The following EHF variants were observed in gnomAD, a reference collection of about 807,000 sequenced individuals.
EHF encodes ESE3 transcription factor.
A neutral mutation model predicts 45.1 loss-of-function variants in EHF; 14 were observed. That is an observed-to-expected ratio of 0.31 (90% CI 0.21 to 0.49). EHF has a LOEUF of 0.49. EHF is among the 20% of genes least tolerant of loss of function. The pLI is 0.99. For missense variants in EHF, 282 were observed against 371.4 expected, an observed-to-expected ratio of 0.76 and a Z score of 1.98; for synonymous variants, 136 against 131.8, an observed-to-expected ratio of 1.03 and a Z score of -0.22.
intron 3 of EHF, among the ~76,000 whole-genome samples, chr11:34,648,518 A>G (rs1168319183): frequency 6.6e-6 from 1 of 152,182 alleles, no homozygotes; most frequent in Non-Finnish European, 1.5e-5. Flanking sequence ...ATTGGATGTA[A>G]TCATGATGGC....
intron 2 of EHF, among the ~76,000 whole-genome samples, chr11:34,643,916 A>T (rs558256933): frequency 6.6e-6 from 1 of 152,166 alleles, no homozygotes; most frequent in African/African-American, 2.4e-5. Context: ...TGCCACTTTT[A>T]TTTCTTAAAT....
At chr11:34,629,343 G>C (rs767697926) in intron 1 of EHF, among the ~76,000 whole-genome samples, 2 of 152,158 alleles carry the variant, frequency 1.3e-5, no homozygotes, top group Non-Finnish European at 2.9e-5. Flanking sequence ...GTAAACCAGT[G>C]AGCCAGGAGA....
chr11:34,651,108 C>T (rs1312729874), intron 4 of EHF, among the ~76,000 whole-genome samples: 2 of 151,250 alleles, frequency 1.3e-5, no homozygotes, highest in East Asian at 3.9e-4. Flanking sequence ...ATTAACCCCC[C>T]AAGGCCTCAT....
chr11:34,639,278 G>A (rs925576181), intron 1 of EHF, among the ~76,000 whole-genome samples: 1 of 152,106 alleles, frequency 6.6e-6, no homozygotes, highest in African/African-American at 2.4e-5. Context: ...AAGCAAAGTA[G>A]GGAGCTGAAA....
In EHF at chr11:34,662,178, C is replaced by CAATG. The variant is rs1856124803; in HGVS notation, c.*3260_*3263dup. 1.3e-5 allele frequency among the ~76,000 whole-genome samples: 2 copies of CAATG among 152,058 alleles called. No individual in the cohort carries two copies. Among genetic ancestry groups the CAATG allele is most frequent in the African/African-American group, 4.8e-5 (2 of 41,406 alleles). On this transcript the variant is annotated 3_prime_UTR_variant, in exon 9 of 9. Coordinates refer to ENST00000257831, the MANE Select transcript of EHF (RefSeq NM_012153.6). ...GACAAGTACACAACACATATTTGTT[C>CAATG]AATGAATGAATGAATGTCTTCTAAA...
chr11:34,656,681 A>AT (rs1387165765), intron 6 of EHF, among the ~76,000 whole-genome samples: 1 of 152,126 alleles, frequency 6.6e-6, no homozygotes, highest in Non-Finnish European at 1.5e-5. Context: ...CTTGTATCAA[A>AT]TTGCAAATTA....
intron 1 of EHF, among the ~76,000 whole-genome samples, chr11:34,625,046 G>T (rs1282147493): frequency 6.6e-6 from 1 of 152,094 alleles, no homozygotes; most frequent in Non-Finnish European, 1.5e-5. Context: ...AGTACCTGGG[G>T]GTCAGCAGGA....
Position 34,659,290 on chromosome 11 carries a change from TA to T in EHF, c.*362del. On this transcript the variant is annotated 3_prime_UTR_variant, in exon 9 of 9. Coordinates refer to ENST00000257831, the MANE Select transcript of EHF (RefSeq NM_012153.6). ...AAAGAAAAACAAAATCAGAGGGCAT[TA>T]AATGTTTTGTATGTGACATGATTTA... is the stretch of plus-strand genomic sequence containing the variant. The T allele has an allele frequency of 5.5e-6, 1 of 181,928 alleles. No individual in the cohort carries two copies. Among genetic ancestry groups the T allele is most frequent in the Non-Finnish European group, 1.1e-5 (1 of 87,778 alleles). The allele number at this position is 181,928 out of a possible 1,614,324, so 11.3% of individuals were successfully genotyped here. A position where few individuals can be genotyped will look rare whatever the true frequency, so the allele number is the denominator to read the frequency against.
In EHF at chr11:34,662,738, A is replaced by C. The variant is rs1206004320; in HGVS notation, c.*3807A>C. Among the ~76,000 whole-genome samples the C allele has an allele frequency of 6.6e-6, 1 of 152,140 alleles. No homozygotes were observed. Among genetic ancestry groups the C allele is most frequent in the Non-Finnish European group, 1.5e-5 (1 of 68,008 alleles). ...GCAATTATATTATTCTTCTGTAGTT[A>C]AGCAAACACTTGTTGAGTGCCTGCT... On this transcript the variant is annotated 3_prime_UTR_variant, in exon 9 of 9. Coordinates refer to ENST00000257831, the MANE Select transcript of EHF (RefSeq NM_012153.6).
intron 2 of EHF, 23 bp downstream of exon 2, chr11:34,642,750 G>T (rs1327752077): frequency 1.9e-6 from 3 of 1,552,050 alleles, no homozygotes; most frequent in Admixed American, 1.7e-5. Context: ...GTGGGTGTTG[G>T]TGTCACTGCT....
At chr11:34,649,414 G>A (rs1453808761) in intron 4 of EHF, among the ~76,000 whole-genome samples, 1 of 152,176 alleles carries the variant, frequency 6.6e-6, no homozygotes, top group Non-Finnish European at 1.5e-5. Context: ...TGTCAGGGGA[G>A]TGGCCAAGTT....
chr11:34,636,898 G>T (rs1022253262), intron 1 of EHF, among the ~76,000 whole-genome samples: 1 of 152,064 alleles, frequency 6.6e-6, no homozygotes, highest in African/African-American at 2.4e-5. Context: ...GCGTGGTGGT[G>T]CATGCCTATA....
At chr11:34,621,578 T>A (rs1312274331) in intron 1 of EHF, among the ~76,000 whole-genome samples, 1 of 152,220 alleles carries the variant, frequency 6.6e-6, no homozygotes, top group Non-Finnish European at 1.5e-5. Context: ...GTGGCTCTGA[T>A]ATAGCTCAGA....
chr11:34,630,963 G>A (rs1387502158), intron 1 of EHF, among the ~76,000 whole-genome samples: 1 of 152,192 alleles, frequency 6.6e-6, no homozygotes, highest in Non-Finnish European at 1.5e-5. Flanking sequence ...TTTGTCTGGG[G>A]AAATGTTGCA....
At chr11:34,646,402 C>A in intron 2 of EHF, 37 bp from the exon 3 acceptor site, 1 of 1,611,108 alleles carries the variant, frequency 6.2e-7, no homozygotes, top group Non-Finnish European at 8.5e-7. Flanking sequence ...CCAGGAACAG[C>A]CAGGGGTCAC....
At chr11:34,643,183 A>C (rs1854192118) in intron 2 of EHF, among the ~76,000 whole-genome samples, 1 of 151,794 alleles carries the variant, frequency 6.6e-6, no homozygotes, top group East Asian at 1.9e-4. Flanking sequence ...TCTCTTTGCA[A>C]GGGGAGAGGA....
intron 1 of EHF, among the ~76,000 whole-genome samples, chr11:34,622,724 GACA>G (rs1264910552): frequency 6.6e-6 from 1 of 152,148 alleles, no homozygotes; most frequent in Non-Finnish European, 1.5e-5. Context: ...GAGTCATGTA[GACA>G]ACACCATTTT....
In EHF at chr11:34,634,118, ACAATT is replaced by A. The variant is rs140278574; in HGVS notation, c.-3-8502_-3-8498del. ...CAAATACATTCCCCAAGCTTGATTCACAATTCAATTCATTTGTAAAAACACAAATG... is the reference window on the plus strand; with the variant it reads ...CAAATACATTCCCCAAGCTTGATTCACAATTCATTTGTAAAAACACAAATG... On this transcript the variant is annotated intron_variant, in intron 1 of 8. Transcript: ENST00000257831. Among the ~76,000 whole-genome samples the A allele has an allele frequency of 3.3e-3, 502 of 152,374 alleles. 2 individuals are homozygous for A. Among genetic ancestry groups the A allele is most frequent in the African/African-American group, 0.011 (471 of 41,596 alleles).
intron 1 of EHF, chr11:34,624,369 C>T: frequency 1.7e-5 from 16 of 950,944 alleles, no homozygotes; most frequent in Non-Finnish European, 1.9e-5. Flanking sequence ...GGCAGGAGGG[C>T]AGCCACACCT....
Sources: gnomAD v4.1 joint callset for allele counts (sites outside exome capture counted in the v4.1 genomes callset) on GRCh38, gnomAD v4.1.1 for gene constraint, MANE v1.5 for transcripts, NCBI Gene and HGNC (gene_info 2026-07-23, HGNC 2026-07-21) for gene names.